Variants in GPSM2 observed in about 807,000 individuals in gnomAD.
GPSM2 encodes G protein signaling modulator 2.
Under a neutral mutation model 78.4 loss-of-function variants are expected in GPSM2, and 58 were observed. The ratio of observed to expected loss-of-function variants is 0.74; its 90% confidence interval spans 0.60 to 0.92. The LOEUF is 0.92. Among genes scored for constraint, GPSM2 ranks in the 40% least tolerant of loss-of-function variants. GPSM2 has a pLI of 0.00. For missense variants in GPSM2, 700 were observed against 815.5 expected, an observed-to-expected ratio of 0.86 and a Z score of 1.73; for synonymous variants, 224 against 280.2, an observed-to-expected ratio of 0.80 and a Z score of 2.00.
intron 7 of GPSM2, among the ~76,000 whole-genome samples, chr1:108,899,760 T>C (rs1332734297): frequency 3.9e-5 from 6 of 152,208 alleles, no homozygotes; most frequent in Non-Finnish European, 7.3e-5. Flanking sequence ...CAGTGATTGA[T>C]TTGTATTTTG....
intron 10 of GPSM2, among the ~76,000 whole-genome samples, chr1:108,905,372 T>C (rs1025350738): frequency 2.0e-5 from 3 of 152,232 alleles, no homozygotes; most frequent in Non-Finnish European, 4.4e-5. Flanking sequence ...CTTGCCTCCC[T>C]TTCTCTCTTC....
At chr1:108,917,143 C>T (rs1650291033) in intron 11 of GPSM2, among the ~76,000 whole-genome samples, 1 of 152,118 alleles carries the variant, frequency 6.6e-6, no homozygotes, top group African/African-American at 2.4e-5. Flanking sequence ...TTTATGTTCT[C>T]ACATCAAGGA....
At chr1:108,877,330 G>C (rs999116567) in intron 1 of GPSM2, 102 bp downstream of exon 1, 3 of 152,362 alleles carry the variant, frequency 2.0e-5, no homozygotes, top group African/African-American at 7.2e-5. Flanking sequence ...TCTGTGTCCA[G>C]AGGTCTGGGG....
chr1:108,891,279 G>T (rs1317238161), intron 2 of GPSM2, among the ~76,000 whole-genome samples: 2 of 152,122 alleles, frequency 1.3e-5, no homozygotes, highest in African/African-American at 4.8e-5. Flanking sequence ...TACAGATATG[G>T]TGTTGAATTC....
At position 108,897,459 on chromosome 1, in the gene GPSM2, GGTTTTTTGTTTTTT is replaced by G. The variant is rs746833972; in HGVS notation, c.279-18_279-5del. 3 of 1,564,106 alleles carry G rather than the reference GGTTTTTTGTTTTTT, an allele frequency of 1.9e-6. No homozygotes were observed. The highest frequency in any genetic ancestry group is 2.4e-5 in the East Asian group (1 of 42,294). ...CACCATTTGTATTTTAATACCATTT[GGTTTTTTGTTTTTT>G]GTTTTTTGTTTTTTTCAGGACTATT... On this transcript the variant is annotated intron_variant, in intron 3 of 14. Coordinates refer to ENST00000264126, the MANE Select transcript of GPSM2 (RefSeq NM_013296.5).
At chr1:108,908,788 T>C (rs1265004371) in intron 10 of GPSM2, among the ~76,000 whole-genome samples, 2 of 142,686 alleles carry the variant, frequency 1.4e-5, no homozygotes, top group African/African-American at 5.5e-5. Flanking sequence ...GAGGATCACT[T>C]GAGCCCAGGA....
At chr1:108,885,030 A>C (rs1422082492) in intron 1 of GPSM2, among the ~76,000 whole-genome samples, 1 of 152,212 alleles carries the variant, frequency 6.6e-6, no homozygotes, top group African/African-American at 2.4e-5. Flanking sequence ...TGTTTATAGC[A>C]GAAAATATTA....
rs193011822 is a variant in GPSM2, at chr1:108,924,332, A to G, written c.1815+118A>G. On this transcript the variant is annotated intron_variant, in intron 14 of 14. Transcript: ENST00000264126. Reference sequence around the variant, plus strand: ...TTGTATTAGAGAGTTATTATTGTCCATCATTCAGTAAAAAATTATTGAACA... The same window carrying G: ...TTGTATTAGAGAGTTATTATTGTCCGTCATTCAGTAAAAAATTATTGAACA... 16 of 744,696 alleles carry G rather than the reference A, an allele frequency of 2.1e-5. No individual in the cohort carries two copies. The East Asian group carries it at 3.7e-4, about 17-fold the overall frequency. 46.1% of individuals were successfully genotyped at this position (744,696 alleles called of 1,614,324 possible).
intron 5 of GPSM2, 94 bp from the exon 6 acceptor site, chr1:108,898,548 C>A: frequency 8.5e-7 from 1 of 1,182,956 alleles, no homozygotes; most frequent in Non-Finnish European, 1.2e-6. Context: ...AGCTTCCCTA[C>A]ATTTTTTTCT....
rs1652387417 is a variant in GPSM2 at position 108,933,723 on chromosome 1, C to G, written c.*3783C>G. ...TTTAAAAAGTTTAAAATGAGGAATG[C>G]TTTTGATAATCAGAAAGACTAATGT... On this transcript the variant is annotated 3_prime_UTR_variant, in exon 15 of 15. Transcript: ENST00000264126. The G allele has an allele frequency of 6.6e-6, 1 of 152,182 alleles. No homozygotes were observed. Among genetic ancestry groups the G allele is most frequent in the African/African-American group, 2.4e-5 (1 of 41,452 alleles). 9.4% of individuals were successfully genotyped at this position (152,182 alleles called of 1,614,324 possible).
At chr1:108,891,664 ATTT>A (rs58295802) in intron 2 of GPSM2, among the ~76,000 whole-genome samples, 6 of 117,154 alleles carry the variant, frequency 5.1e-5, no homozygotes, top group South Asian at 2.8e-4. Flanking sequence ...CAGCCAGCTA[ATTT>A]TTTTTTTTTT....
intron 14 of GPSM2, among the ~76,000 whole-genome samples, chr1:108,928,176 C>A (rs572786585): frequency 6.6e-6 from 1 of 152,286 alleles, no homozygotes; most frequent in East Asian, 1.9e-4. Flanking sequence ...GATTAATACC[C>A]AGAATATATA....
chr1:108,883,598 A>G (rs1048552383), intron 1 of GPSM2, among the ~76,000 whole-genome samples: 4 of 152,232 alleles, frequency 2.6e-5, no homozygotes, highest in Non-Finnish European at 5.9e-5. Flanking sequence ...CTACCAATTT[A>G]TCTCATATAT....
At chr1:108,918,882 G>A (rs553727652) in intron 12 of GPSM2, 93 bp downstream of exon 12, 1 of 789,636 alleles carries the variant, frequency 1.3e-6, no homozygotes, top group African/African-American at 1.7e-5. Flanking sequence ...ATTTAAATTA[G>A]ACATTTAATA....
chr1:108,928,531 T>C (rs753692047), intron 14 of GPSM2, among the ~76,000 whole-genome samples: 1 of 152,244 alleles, frequency 6.6e-6, no homozygotes, highest in Non-Finnish European at 1.5e-5. Flanking sequence ...TTCAGGGATC[T>C]ATGTCTTATC....
At chr1:108,880,366 G>A (rs532833401) in intron 1 of GPSM2, among the ~76,000 whole-genome samples, 1 of 152,326 alleles carries the variant, frequency 6.6e-6, no homozygotes, top group South Asian at 2.1e-4. Context: ...GGGCCCAGGT[G>A]GGCGGATCAC....
chr1:108,890,322 G>C (rs1185688412), intron 2 of GPSM2, among the ~76,000 whole-genome samples: 3 of 152,158 alleles, frequency 2.0e-5, no homozygotes, highest in Admixed American at 6.5e-5. Context: ...ATGTTTATCT[G>C]TCTTGCTAAA....
chr1:108,877,873 A>T (rs1282613014), intron 1 of GPSM2: 1 of 152,268 alleles, frequency 6.6e-6, no homozygotes. Context: ...AATAGTAACC[A>T]GTTAGAGCAT....
At chr1:108,882,180 G>T (rs1665932212) in intron 1 of GPSM2, among the ~76,000 whole-genome samples, 1 of 152,112 alleles carries the variant, frequency 6.6e-6, no homozygotes, top group Non-Finnish European at 1.5e-5. Context: ...TGAACTGTTG[G>T]TCTCAAGTGA....
Sources: allele counts gnomAD v4.1 joint callset (sites outside exome capture counted in the v4.1 genomes callset), GRCh38; gene constraint gnomAD v4.1.1; transcripts MANE v1.5; gene names NCBI Gene and HGNC (gene_info 2026-07-23, HGNC 2026-07-21).